The following GRID2 variants were observed in gnomAD, a reference collection of about 807,000 sequenced individuals.
GRID2 encodes glutamate receptor ionotropic, delta-2.
GRID2 carries 33 observed loss-of-function variants against 114.8 expected under a neutral mutation model. The observed-to-expected ratio is 0.29, with a 90% CI of 0.22 to 0.38. The LOEUF is 0.38. GRID2 is among the 10% of genes least tolerant of loss of function. The pLI, the probability that GRID2 is intolerant of heterozygous loss-of-function variation, is 1.00. For synonymous variants in GRID2, 505 were observed against 449.9 expected, an observed-to-expected ratio of 1.12 and a Z score of -1.55; for missense variants, 1,184 against 1,257.7, an observed-to-expected ratio of 0.94 and a Z score of 0.89.
At chr4:92,938,064 A>AT (rs1183002740) in intron 2 of GRID2, among the ~76,000 whole-genome samples, 1 of 146,654 alleles carries the variant, frequency 6.8e-6, no homozygotes, top group Non-Finnish European at 1.5e-5. Context: ...ATAATGTTAG[A>AT]TTTTTTTAAA....
At chr4:93,401,594 C>T (rs567088529) in intron 9 of GRID2, among the ~76,000 whole-genome samples, 5 of 152,148 alleles carry the variant, frequency 3.3e-5, no homozygotes, top group African/African-American at 1.2e-4. Flanking sequence ...TAAAGAATAC[C>T]TCCAAAAGAA....
chr4:93,417,947 A>G lies in GRID2; in HGVS notation c.1348-4824A>G, dbSNP rs563524390. 2.6e-5 allele frequency among the ~76,000 whole-genome samples: 4 copies of G among 150,984 alleles called. No individual in the cohort carries two copies. The East Asian group carries it at 7.8e-4, about 29-fold the overall frequency. On this transcript the variant is annotated intron_variant, in intron 9 of 15. Transcript: ENST00000282020. ...TTCTTGGATGTATAGTTTGGTGCCC[A>G]GTATTCTTTTGTATTCATACCTAAG...
chr4:92,884,371 A>G (rs2149461495), intron 2 of GRID2, among the ~76,000 whole-genome samples: 1 of 152,298 alleles, frequency 6.6e-6, no homozygotes, highest in East Asian at 1.9e-4. Flanking sequence ...ATCATCAACA[A>G]GAATGTTTGG....
chr4:93,794,884 A>C (rs1170409605), intron 1 of GRID2, among the ~76,000 whole-genome samples: 1 of 152,180 alleles, frequency 6.6e-6, no homozygotes, highest in African/African-American at 2.4e-5. Flanking sequence ...AGATTGTGAG[A>C]GGCAGATGAG....
At chr4:92,367,264 A>G (rs1215608624) in intron 1 of GRID2, among the ~76,000 whole-genome samples, 1 of 151,642 alleles carries the variant, frequency 6.6e-6, no homozygotes, top group African/African-American at 2.4e-5. Flanking sequence ...CTTGCTACAC[A>G]TGTTAGTTGA....
At chr4:93,222,534 TA>T (rs1016193777) in intron 6 of GRID2, among the ~76,000 whole-genome samples, 4 of 151,914 alleles carry the variant, frequency 2.6e-5, no homozygotes, top group Non-Finnish European at 1.5e-5. Flanking sequence ...GTTACATACG[TA>T]AACATGTGCC....
intron 14 of GRID2, among the ~76,000 whole-genome samples, chr4:93,669,019 C>T (rs983069062): frequency 6.6e-6 from 1 of 151,870 alleles, no homozygotes; most frequent in African/African-American, 2.4e-5. Context: ...GTTTGGCATG[C>T]TTAGTAAGTG....
chr4:93,265,351 A>G (rs1750705063), intron 8 of GRID2, among the ~76,000 whole-genome samples: 1 of 152,208 alleles, frequency 6.6e-6, no homozygotes, highest in African/African-American at 2.4e-5. Flanking sequence ...TTAATTCTTT[A>G]CTTCCTAATC....
chr4:92,742,505 T>C (rs994709087), intron 2 of GRID2, among the ~76,000 whole-genome samples: 2 of 152,176 alleles, frequency 1.3e-5, no homozygotes, highest in Non-Finnish European at 2.9e-5. Context: ...TGCATTTTTC[T>C]TTAATCTTTC....
chr4:93,294,280 G>T (rs1222139032), intron 8 of GRID2, among the ~76,000 whole-genome samples: 1 of 152,030 alleles, frequency 6.6e-6, no homozygotes, highest in Non-Finnish European at 1.5e-5. Flanking sequence ...GAAATCAGCA[G>T]TGGAGGTGAT....
intron 2 of GRID2, among the ~76,000 whole-genome samples, chr4:92,996,954 T>C (rs1030354299): frequency 6.6e-6 from 1 of 152,164 alleles, no homozygotes; most frequent in South Asian, 2.1e-4. Flanking sequence ...AATATGGCTA[T>C]TTAAAAGTGA....
intron 8 of GRID2, among the ~76,000 whole-genome samples, chr4:93,292,822 T>C (rs1753888692): frequency 1.3e-5 from 2 of 152,148 alleles, no homozygotes; most frequent in African/African-American, 4.8e-5. Flanking sequence ...TCCTCCTTAA[T>C]ATAGGTCCCC....
chr4:93,467,313 A>C (rs1486257153), intron 11 of GRID2, among the ~76,000 whole-genome samples: 1 of 152,202 alleles, frequency 6.6e-6, no homozygotes, highest in Non-Finnish European at 1.5e-5. Flanking sequence ...TTTTTTCCAA[A>C]TACTGTTTTA....
Position 93,482,698 on chromosome 4 carries a change from T to TAATA in GRID2, c.1859-7921_1859-7918dup, listed in dbSNP as rs752365549. On this transcript the variant is annotated intron_variant, in intron 11 of 15. Transcript: ENST00000282020. ...CACGTGTATCCCAGAACTTAAAGTA[T>TAATA]AATAAATAAATAAATAAATAAATTC... 6.2e-4 allele frequency among the ~76,000 whole-genome samples: 94 copies of TAATA among 151,894 alleles called. 1 individual carries two copies. Among genetic ancestry groups the TAATA allele is most frequent in the Admixed American group, 4.6e-3 (70 of 15,212 alleles).
chr4:93,508,352 A>G (rs1728853613), intron 12 of GRID2, among the ~76,000 whole-genome samples: 1 of 151,648 alleles, frequency 6.6e-6, no homozygotes, highest in African/African-American at 2.4e-5. Context: ...ACCCACCACC[A>G]TGCTCAGCTA....
intron 4 of GRID2, among the ~76,000 whole-genome samples, chr4:93,160,535 A>G (rs992150415): frequency 1.3e-5 from 2 of 151,798 alleles, no homozygotes; most frequent in East Asian, 3.9e-4. Context: ...GTGTCCTCCA[A>G]GTCCCCCTCT....
chr4:92,819,656 G>A (rs1217600474), intron 2 of GRID2, among the ~76,000 whole-genome samples: 2 of 152,024 alleles, frequency 1.3e-5, no homozygotes, highest in Non-Finnish European at 2.9e-5. Flanking sequence ...ATGATAATAG[G>A]ACTATGTTGT....
chr4:93,705,417 G>A (rs1021644528), intron 14 of GRID2, among the ~76,000 whole-genome samples: 2 of 150,848 alleles, frequency 1.3e-5, no homozygotes, highest in African/African-American at 4.9e-5. Context: ...TGCAACTTCC[G>A]CCTCCCAGGT....
intron 1 of GRID2, among the ~76,000 whole-genome samples, chr4:92,402,675 A>G (rs773136738): frequency 1.3e-5 from 2 of 152,194 alleles, no homozygotes; most frequent in Non-Finnish European, 2.9e-5. Flanking sequence ...ACATTCATCC[A>G]GGCTTTGTTG....
Sources: allele counts gnomAD v4.1 joint callset (sites outside exome capture counted in the v4.1 genomes callset), GRCh38; gene constraint gnomAD v4.1.1; transcripts MANE v1.5; gene names NCBI Gene and HGNC (gene_info 2026-07-23, HGNC 2026-07-21).